SNX3: variants seen among roughly 807,000 people sequenced by gnomAD.
SNX3 encodes the protein sorting nexin 3.
Under a neutral mutation model 17.7 loss-of-function variants are expected in SNX3, and 5 were observed. The observed-to-expected ratio is 0.28, with a 90% CI of 0.15 to 0.59. The LOEUF (loss-of-function observed/expected upper bound fraction) is 0.59, where lower values mean the gene tolerates loss of function less well. Ranked by LOEUF, SNX3 falls within the 20% of genes least tolerant of loss-of-function variation. The pLI, the probability that SNX3 is intolerant of heterozygous loss-of-function variation, is 0.88. For missense variants in SNX3, 132 were observed against 206.8 expected (o/e 0.64, Z 2.22); for synonymous variants, 91 against 76.5 (o/e 1.19, Z -0.99).
chr6:108,226,606 T>C (rs1208500173), intron 1 of SNX3, among the ~76,000 whole-genome samples: 1 of 152,228 alleles, frequency 6.6e-6, no homozygotes, highest in Non-Finnish European at 1.5e-5. Flanking sequence ...AAGGAAAGAC[T>C]GGCTTCCTAC....
rs372469982 is a variant in SNX3 at position 108,243,277 on chromosome 6, G to A, written c.162+17483C>T. Reference sequence around the variant, plus strand: ...CAAACCACTGCACCTGGCTGGGGGTGTTCTGAGGGCTACAATTGTGGTAAT... The same window carrying A: ...CAAACCACTGCACCTGGCTGGGGGTATTCTGAGGGCTACAATTGTGGTAAT... On this transcript the variant is annotated intron_variant, in intron 1 of 3. Transcript: ENST00000230085. 8.0e-4 allele frequency among the ~76,000 whole-genome samples: 122 copies of A among 152,072 alleles called. 2 individuals carry two copies. In the East Asian group the frequency reaches 0.021, roughly 26 times the overall value.
intron 1 of SNX3, among the ~76,000 whole-genome samples, chr6:108,244,048 A>T (rs1278072825): frequency 3.9e-5 from 6 of 152,208 alleles, no homozygotes; most frequent in Non-Finnish European, 5.9e-5. Context: ...AACACAATAG[A>T]TGACTAAGAA....
Position 108,214,530 on chromosome 6 carries a change from T to G in SNX3, c.351A>C (p.Glu117Asp). The G allele has an allele frequency of 6.2e-7, 1 of 1,613,848 alleles. No individual in the cohort carries two copies. The highest frequency in any genetic ancestry group is 1.1e-5 in the South Asian group (1 of 90,986). ...DGIFDDNFIE[E>D]RKQGLEQFIN... The stretch of plus-strand genomic sequence containing the variant: ...TAAACTGCTCCAGCCCTTGTTTTCT[T>G]TCCTCAATAAAATTGTCATCAAATA... Residue 117 changes from glutamate (E) to aspartate (D), a missense_variant, in exon 3 of 4, where the codon GAA becomes GAC. By Grantham distance (45) the Glu-to-Asp change is conservative (BLOSUM62 2). This residue lies in a region of SNX3 where 54 missense variants were observed against 118.0 expected (regional missense o/e 0.46). Transcript: ENST00000230085.
chr6:108,252,703 C>T (rs932569808), intron 1 of SNX3, among the ~76,000 whole-genome samples: 7 of 151,872 alleles, frequency 4.6e-5, no homozygotes, highest in Non-Finnish European at 7.4e-5. Context: ...CACAGAGTCG[C>T]GCTGCCACCC....
chr6:108,238,118 A>C (rs1346253121), intron 1 of SNX3, among the ~76,000 whole-genome samples: 21 of 151,132 alleles, frequency 1.4e-4, no homozygotes, highest in Admixed American at 7.3e-4. Flanking sequence ...AAAAAAAAAA[A>C]AACAAACAAA....
intron 2 of SNX3, among the ~76,000 whole-genome samples, chr6:108,219,716 T>C (rs1774697080): frequency 6.6e-6 from 1 of 152,258 alleles, no homozygotes; most frequent in Non-Finnish European, 1.5e-5. Flanking sequence ...GCTGAATTCC[T>C]TTCCCACTGA....
intron 1 of SNX3, among the ~76,000 whole-genome samples, chr6:108,237,583 A>G (rs1287926909): frequency 6.6e-6 from 1 of 152,076 alleles, no homozygotes; most frequent in African/African-American, 2.4e-5. Flanking sequence ...TAAAGTCAAG[A>G]GCTCGAGACC....
intron 1 of SNX3, among the ~76,000 whole-genome samples, chr6:108,230,004 AAC>A (rs1775091513): frequency 6.6e-6 from 1 of 152,110 alleles, no homozygotes. Context: ...TAGAATTAAG[AAC>A]AGATGGCTCT....
chr6:108,257,824 C>A (rs1346143834), intron 1 of SNX3, among the ~76,000 whole-genome samples: 3 of 151,924 alleles, frequency 2.0e-5, no homozygotes, highest in African/African-American at 7.3e-5. Context: ...ATTAGCTGGG[C>A]GTGGTGGCGC....
intron 1 of SNX3, among the ~76,000 whole-genome samples, chr6:108,241,752 C>T (rs1302882946): frequency 6.6e-6 from 1 of 152,154 alleles, no homozygotes; most frequent in Non-Finnish European, 1.5e-5. Context: ...AGAGTCTCTA[C>T]AACGTATTAT....
Position 108,246,313 on chromosome 6 carries a change from C to CTTTTTTTTTT in SNX3, c.162+14437_162+14446dup, listed in dbSNP as rs71015538. On this transcript the variant is annotated intron_variant, in intron 1 of 3. Transcript: ENST00000230085. ...AATTCTTAAAAGAGCTTTGAGCATT[C>CTTTTTTTTTT]TTTTTTTTTTTTTTTTTTTTTTTTT... 4.2e-4 allele frequency among the ~76,000 whole-genome samples: 20 copies of CTTTTTTTTTT among 47,984 alleles called. 3 individuals carry two copies. Among genetic ancestry groups the CTTTTTTTTTT allele is most frequent in the African/African-American group, 1.6e-3 (18 of 11,148 alleles). 31.5% of individuals were successfully genotyped at this position (47,984 alleles called of 152,430 possible).
rs1470778271 is a variant in SNX3, at chr6:108,211,494, C to CT, written c.*654dup. 6.6e-6 allele frequency: 1 copy of CT among 152,492 alleles called. No individual in the cohort carries two copies. Among genetic ancestry groups the CT allele is most frequent in the Middle Eastern group, 3.2e-3 (1 of 316 alleles). 9.4% of individuals were successfully genotyped at this position (152,492 alleles called of 1,614,324 possible). On this transcript the variant is annotated 3_prime_UTR_variant, in exon 4 of 4. Transcript: ENST00000230085. ...AGTCACTCATAGAGAGCAAAAAAAG[C>CT]TGGAGGCAACACAATCAGTGCATAT...
intron 1 of SNX3, among the ~76,000 whole-genome samples, chr6:108,249,479 T>C (rs1444700087): frequency 2.6e-5 from 4 of 152,122 alleles, no homozygotes. Flanking sequence ...TAAACCATGA[T>C]CCTGGCTAGA....
At chr6:108,237,989 C>T (rs778769917) in intron 1 of SNX3, among the ~76,000 whole-genome samples, 1 of 148,290 alleles carries the variant, frequency 6.7e-6, no homozygotes, top group African/African-American at 2.5e-5. Context: ...CTCAGCTACT[C>T]GGGAGGCTGA....
At chr6:108,213,401 C>T (rs564254576) in intron 3 of SNX3, among the ~76,000 whole-genome samples, 1 of 152,076 alleles carries the variant, frequency 6.6e-6, no homozygotes, top group South Asian at 2.1e-4. Flanking sequence ...CTTGTAATCC[C>T]AGCACTTTGG....
intron 2 of SNX3, 74 bp downstream of exon 2, chr6:108,222,876 C>A (rs1364269887): frequency 9.1e-6 from 8 of 874,566 alleles, no homozygotes; most frequent in Admixed American, 2.2e-5. Context: ...TATTCAATAT[C>A]ATTTTCCTGA....
intron 1 of SNX3, among the ~76,000 whole-genome samples, chr6:108,228,590 G>C (rs980766564): frequency 6.6e-6 from 1 of 152,058 alleles, no homozygotes; most frequent in African/African-American, 2.4e-5. Flanking sequence ...TGCCTGTAGT[G>C]GGAAGATAAG....
chr6:108,243,040 G>A (rs1414822873), intron 1 of SNX3, among the ~76,000 whole-genome samples: 2 of 152,176 alleles, frequency 1.3e-5, no homozygotes, highest in Non-Finnish European at 2.9e-5. Flanking sequence ...AGAAACTTGT[G>A]AGATGATATT....
intron 1 of SNX3, among the ~76,000 whole-genome samples, chr6:108,255,810 A>G (rs1004361984): frequency 3.3e-5 from 5 of 152,218 alleles, no homozygotes; most frequent in South Asian, 2.1e-4. Flanking sequence ...AGAGGAAAAA[A>G]CATATACAAG....
Sources: gnomAD v4.1 joint callset for allele counts (sites outside exome capture counted in the v4.1 genomes callset) on GRCh38, gnomAD v4.1.1 for gene constraint, gnomAD v4.1.1 regional missense constraint, MANE v1.5 for transcripts, NCBI Gene and HGNC (gene_info 2026-07-23, HGNC 2026-07-21) for gene names.